The following FBN2 variants were observed in gnomAD, a reference collection of about 807,000 sequenced individuals.
FBN2 encodes fibrillin 2, also known as fibrillin-2.
In FBN2, 105 loss-of-function variants were observed where a neutral mutation model predicts 355.6. The ratio of observed to expected loss-of-function variants is 0.30; its 90% CI spans 0.25 to 0.35. The LOEUF is 0.35. Ranked by LOEUF, FBN2 falls within the 10% of genes least tolerant of loss-of-function variation. The pLI is 1.00. For synonymous variants in FBN2, 1,350 were observed against 1,301.2 expected, an observed-to-expected ratio of 1.04 and a Z score of -0.81; for missense variants, 3,280 against 3,758.7, an observed-to-expected ratio of 0.87 and a Z score of 3.33.
chr5:128,420,712 A>G (rs1479843658), intron 7 of FBN2, among the ~76,000 whole-genome samples: 1 of 152,234 alleles, frequency 6.6e-6, no homozygotes, highest in Non-Finnish European at 1.5e-5. Flanking sequence ...AAATTATGCT[A>G]TTCATTCTTT....
intron 11 of FBN2, among the ~76,000 whole-genome samples, chr5:128,382,355 G>A (rs1236925139): frequency 2.0e-5 from 3 of 152,024 alleles, no homozygotes; most frequent in Admixed American, 6.6e-5. Flanking sequence ...GAGCTAGAAC[G>A]AGGTGCGTCT....
At chr5:128,262,370 C>T (rs1188096852) in intron 63 of FBN2, among the ~76,000 whole-genome samples, 2 of 152,190 alleles carry the variant, frequency 1.3e-5, no homozygotes, top group Non-Finnish European at 2.9e-5. Flanking sequence ...TTCTTTAACA[C>T]ACAATAGATA....
At chr5:128,512,124 A>G (rs1198305511) in intron 5 of FBN2, among the ~76,000 whole-genome samples, 15 of 152,200 alleles carry the variant, frequency 9.9e-5, no homozygotes, top group Admixed American at 9.8e-4. Context: ...AAATCCCACA[A>G]AAGGTAAAAT....
chr5:128,435,795 T>C (rs1753754921), intron 7 of FBN2, among the ~76,000 whole-genome samples: 1 of 152,260 alleles, frequency 6.6e-6, no homozygotes, highest in Non-Finnish European at 1.5e-5. Context: ...TTTCAAACTT[T>C]GCTCCAGATC....
rs1237708810 is a variant in FBN2, at chr5:128,446,509, T to C, written c.924A>G (p.Lys308=). The change falls in exon 7 of 65, where the codon AAA becomes AAG. Residue 308 remains lysine, a synonymous_variant. Transcript: ENST00000262464. ...SFECRCPAGH[K]QSETTQKCED... ...CACATTTCTGAGTAGTTTCACTCTG[T>C]TTGTGACCAGCAGGGCATCTGCATT... The C allele has an allele frequency of 3.7e-6, 6 of 1,614,008 alleles. No homozygotes were observed. Among genetic ancestry groups the C allele is most frequent in the Admixed American group, 1.7e-5 (1 of 60,022 alleles).
chr5:128,376,997 C>T, intron 13 of FBN2, 144 bp from the exon 14 acceptor site: 1 of 945,282 alleles, frequency 1.1e-6, no homozygotes, highest in Non-Finnish European at 1.6e-6. Context: ...AAAAGAACGC[C>T]AACTGAATGA....
chr5:128,262,192 C>T (rs1012416540), intron 63 of FBN2, among the ~76,000 whole-genome samples: 5 of 152,058 alleles, frequency 3.3e-5, no homozygotes, highest in African/African-American at 4.8e-5. Context: ...CAGGGACAAC[C>T]GGCACACACC....
At chr5:128,494,188 G>C (rs974914213) in intron 5 of FBN2, among the ~76,000 whole-genome samples, 2 of 152,170 alleles carry the variant, frequency 1.3e-5, no homozygotes. Flanking sequence ...TCCGCCTTCA[G>C]TCCAGAGGAG....
chr5:128,328,000 T>C (rs1443489679), intron 34 of FBN2: 1 of 153,328 alleles, frequency 6.5e-6, no homozygotes, highest in East Asian at 1.9e-4. Flanking sequence ...CTATGGTGTA[T>C]AAATTATTTT....
intron 18 of FBN2, among the ~76,000 whole-genome samples, chr5:128,362,135 T>C (rs1751654235): frequency 6.6e-6 from 1 of 152,204 alleles, no homozygotes; most frequent in Non-Finnish European, 1.5e-5. Flanking sequence ...TGTAATGATA[T>C]TATGTTAGAT....
At chr5:128,329,637 T>C (rs769676390) in intron 33 of FBN2, among the ~76,000 whole-genome samples, 1 of 152,186 alleles carries the variant, frequency 6.6e-6, no homozygotes, top group Non-Finnish European at 1.5e-5. Context: ...GACACCACAG[T>C]GCGGAGAAAT....
At chr5:128,501,500 A>G (rs1342068754) in intron 5 of FBN2, among the ~76,000 whole-genome samples, 1 of 152,206 alleles carries the variant, frequency 6.6e-6, no homozygotes, top group Non-Finnish European at 1.5e-5. Context: ...ATGGGTCGGG[A>G]ACTATGTACC....
intron 14 of FBN2, 128 bp from the exon 15 acceptor site, chr5:128,374,878 T>A: frequency 1.0e-6 from 1 of 961,450 alleles, no homozygotes; most frequent in Non-Finnish European, 1.6e-6. Context: ...GAAGAACAAA[T>A]AAGTGTGGTA....
chr5:128,271,926 A>T (rs1765276525), intron 62 of FBN2, 73 bp downstream of exon 62: 2 of 1,573,464 alleles, frequency 1.3e-6, no homozygotes, highest in Non-Finnish European at 8.7e-7. Flanking sequence ...CTCAACCCTC[A>T]CAATTTGTTC....
chr5:128,469,893 G>A (rs1209715543), intron 5 of FBN2, among the ~76,000 whole-genome samples: 1 of 152,166 alleles, frequency 6.6e-6, no homozygotes, highest in Non-Finnish European at 1.5e-5. Flanking sequence ...TTACACTGAG[G>A]TGCCTTTAGA....
chr5:128,513,262 C>T (rs762583271), intron 5 of FBN2, among the ~76,000 whole-genome samples: 236 of 152,322 alleles, frequency 1.5e-3, no homozygotes, highest in Middle Eastern at 3.4e-3. Flanking sequence ...TGTTACATAA[C>T]TTCCCCCATA....
intron 11 of FBN2, among the ~76,000 whole-genome samples, chr5:128,391,256 CT>C (rs1246548402): frequency 1.3e-5 from 2 of 152,084 alleles, no homozygotes; most frequent in Non-Finnish European, 2.9e-5. Context: ...ATCTATGTAT[CT>C]GCTTGAGGAT....
At chr5:128,309,171 G>T in intron 41 of FBN2, 76 bp downstream of exon 41, 1 of 1,501,616 alleles carries the variant, frequency 6.7e-7, no homozygotes, top group Non-Finnish European at 9.3e-7. Flanking sequence ...AGCATGCAGT[G>T]ACTTTGACTA....
chr5:128,534,715 G>A (rs1307909673), intron 2 of FBN2, among the ~76,000 whole-genome samples: 1 of 152,186 alleles, frequency 6.6e-6, no homozygotes, highest in Non-Finnish European at 1.5e-5. Context: ...CCAGTGATCA[G>A]TGGGGCCATA....
Sources: gnomAD v4.1 joint callset for allele counts (sites outside exome capture counted in the v4.1 genomes callset) on GRCh38, gnomAD v4.1.1 for gene constraint, MANE v1.5 for transcripts, NCBI Gene and HGNC (gene_info 2026-07-23, HGNC 2026-07-21) for gene names.